Variants in ACLY observed in about 807,000 individuals in gnomAD.
ACLY encodes ATP-citrate synthase.
In ACLY, 41 loss-of-function variants were observed where a neutral mutation model predicts 133.0. That is an observed-to-expected ratio of 0.31 (90% CI 0.24 to 0.40). The LOEUF is 0.40. ACLY is among the 10% of genes least tolerant of loss of function. The probability of loss-of-function intolerance (pLI) is 1.00; values close to 1 mark genes in which losing one functional copy is unlikely to be tolerated. For missense variants in ACLY, 1,046 were observed against 1,453.8 expected (o/e 0.72, Z 4.56); for synonymous variants, 495 against 549.3 (o/e 0.90, Z 1.38).
Position 41,898,618 on chromosome 17 carries a change from G to A in ACLY, c.1338+13C>T. The A allele has an allele frequency of 1.9e-6, 3 of 1,612,854 alleles. No individual in the cohort carries two copies. The highest frequency in any genetic ancestry group is 2.5e-6 in the Non-Finnish European group (3 of 1,179,650). On this transcript the variant is annotated intron_variant, in intron 12 of 28. Transcript: ENST00000352035. ...GGTTCCTTCCTGTAAGGTTTGGGGA[G>A]GCTGGAACCTACCGATGTGCTCCCG...
chr17:41,875,961 G>A (rs1488133366), intron 22 of ACLY, among the ~76,000 whole-genome samples: 10 of 150,754 alleles, frequency 6.6e-5, no homozygotes, highest in Admixed American at 4.6e-4. Flanking sequence ...AGTGAGGAGC[G>A]TCTCTGCCCG....
intron 11 of ACLY, among the ~76,000 whole-genome samples, chr17:41,899,436 A>C (rs992024645): frequency 6.6e-6 from 1 of 151,938 alleles, no homozygotes. Context: ...CTCTGTTCCT[A>C]AACACCCTGA....
At chr17:41,906,954 C>T (rs2049737124) in intron 7 of ACLY, among the ~76,000 whole-genome samples, 1 of 152,188 alleles carries the variant, frequency 6.6e-6, no homozygotes, top group South Asian at 2.1e-4. Context: ...ATGCCCTCAC[C>T]CCAGCATCTG....
chr17:41,905,633 C>T lies in ACLY; in HGVS notation c.892G>A (p.Val298Ile), dbSNP rs782372235. 3.1e-6 allele frequency: 5 copies of T among 1,614,098 alleles called. No individual in the cohort carries two copies. In the African/African-American group the frequency reaches 5.3e-5, roughly 17 times the overall value. ...YSDTICDLGG[V>I]NELANYGEYS... ...TCCCCATAGTTTGCCAGCTCGTTGA[C>T]ACCCCCTAGATCACAGATGGTATCG... The change falls in exon 9 of 29, where the codon GTC becomes ATC. Residue 298 changes from valine (V) to isoleucine (I), a missense_variant. By Grantham distance (29) the Val-to-Ile change is conservative. This residue lies in a region of ACLY where 575 missense variants were observed against 804.2 expected (regional missense o/e 0.71). Coordinates refer to ENST00000352035, the MANE Select transcript of ACLY (RefSeq NM_001096.3).
At position 41,906,246 on chromosome 17, in the gene ACLY, T is replaced by G. The variant is rs1447391340; in HGVS notation, c.866+282A>C. Among the ~76,000 whole-genome samples, 5 of 152,274 alleles carry G rather than the reference T, an allele frequency of 3.3e-5. No homozygotes were observed. In the East Asian group the frequency reaches 9.6e-4, roughly 29 times the overall value. On this transcript the variant is annotated intron_variant, in intron 8 of 28. Coordinates refer to ENST00000352035, the MANE Select transcript of ACLY (RefSeq NM_001096.3). ...AGGATGGGGAAATGTCCAGGCAACT[T>G]TCACTTTCTAGCTCATTTTCTGTAC...
intron 20 of ACLY, among the ~76,000 whole-genome samples, chr17:41,880,622 TGA>T (rs2048887584): frequency 6.6e-6 from 1 of 152,240 alleles, no homozygotes; most frequent in African/African-American, 2.4e-5. Context: ...CCCAGCACTT[TGA>T]GAGGCCGAGA....
chr17:41,895,511 C>T (rs917902531), intron 14 of ACLY, among the ~76,000 whole-genome samples: 10 of 152,238 alleles, frequency 6.6e-5, no homozygotes, highest in Non-Finnish European at 1.5e-4. Context: ...TACACCAGGC[C>T]TCCTCTGGCC....
At chr17:41,875,069 C>T (rs1476789282) in intron 22 of ACLY, among the ~76,000 whole-genome samples, 3 of 151,948 alleles carry the variant, frequency 2.0e-5, no homozygotes, top group Non-Finnish European at 2.9e-5. Flanking sequence ...CGTAATGGGG[C>T]AGGGCACAGT....
At chr17:41,911,891 G>A (rs2049913426) in intron 3 of ACLY, among the ~76,000 whole-genome samples, 2 of 152,292 alleles carry the variant, frequency 1.3e-5, no homozygotes, top group Admixed American at 1.3e-4. Flanking sequence ...GAGGCAGGCA[G>A]ATTACCTGAG....
In ACLY at chr17:41,872,229, C is replaced by T. The variant is rs202237683; in HGVS notation, c.2643-47G>A. On this transcript the variant is annotated intron_variant, in intron 23 of 28. Transcript: ENST00000352035. ...CCAGGAGATGGTCGACAAGGCCATG[C>T]TCGTACTTTCCCCCATCTCCCTAAA... 1.6e-5 allele frequency: 25 copies of T among 1,572,622 alleles called. No homozygotes were observed. In the East Asian group the frequency reaches 4.7e-4, roughly 30 times the overall value.
At chr17:41,918,049 C>T (rs2087938801) in intron 1 of ACLY, among the ~76,000 whole-genome samples, 1 of 152,252 alleles carries the variant, frequency 6.6e-6, no homozygotes, top group Admixed American at 6.5e-5. Flanking sequence ...CGGCAGAACT[C>T]GGCACTGCAC....
At chr17:41,875,787 C>T (rs1399593133) in intron 22 of ACLY, among the ~76,000 whole-genome samples, 1 of 152,188 alleles carries the variant, frequency 6.6e-6, no homozygotes, top group Admixed American at 6.5e-5. Flanking sequence ...GATCTCAGCT[C>T]GCTACAACCT....
chr17:41,924,151 T>G (rs1429943508), intron 1 of ACLY, among the ~76,000 whole-genome samples: 3 of 146,366 alleles, frequency 2.0e-5, no homozygotes, highest in African/African-American at 8.2e-5. Context: ...ATTTTTTATT[T>G]ATTTATTTTT....
At chr17:41,914,032 A>G (rs2049981816) in intron 1 of ACLY, 136 bp from the exon 2 acceptor site, 1 of 830,250 alleles carries the variant, frequency 1.2e-6, no homozygotes, top group South Asian at 1.7e-5. Context: ...GAAGGAAAAA[A>G]TGCTGTCCCA....
intron 21 of ACLY, 87 bp from the exon 22 acceptor site, chr17:41,878,283 A>C: frequency 1.2e-6 from 1 of 849,908 alleles, no homozygotes; most frequent in Non-Finnish European, 1.7e-6. Flanking sequence ...TATCTAACCC[A>C]AACACTGTAG....
Position 41,913,837 on chromosome 17 carries a change from C to T in ACLY, c.37G>A (p.Glu13Lys), listed in dbSNP as rs1555634079. 6.2e-7 allele frequency: 1 copy of T among 1,614,142 alleles called. No individual in the cohort carries two copies. Among genetic ancestry groups the T allele is most frequent in the Non-Finnish European group, 8.5e-7 (1 of 1,180,058 alleles). Residue 13 changes from glutamate to lysine, a missense_variant, in exon 2 of 29, where the codon GAA becomes AAA. Physicochemically the swap from Glu to Lys is moderately conservative, Grantham distance 56. Coordinates refer to ENST00000352035, the MANE Select transcript of ACLY (RefSeq NM_001096.3). ...AKAISEQTGK[E>K]LLYKFICTTS... The stretch of plus-strand genomic sequence containing the variant: ...GTACAGATGAACTTGTAAAGGAGTT[C>T]TTTGCCCGTCTGCTCTGAAATTGCC...
chr17:41,867,364 TA>T lies in ACLY; in HGVS notation c.*445del, dbSNP rs71228789. On this transcript the variant is annotated 3_prime_UTR_variant, in exon 29 of 29. Coordinates refer to ENST00000352035, the MANE Select transcript of ACLY (RefSeq NM_001096.3). ...TTATATAAGGAAGAAGAAAGGGAAG[TA>T]AAAAAAAAAAAAGAGAGACATTGGG... 528 of 137,866 alleles carry T rather than the reference TA, an allele frequency of 3.8e-3. 2 individuals carry two copies. The highest frequency in any genetic ancestry group is 5.2e-3 in the African/African-American group (193 of 37,434). The allele number at this position is 137,866 out of a possible 1,614,324, so 8.5% of individuals were successfully genotyped here.
chr17:41,910,104 C>T lies in ACLY; in HGVS notation c.345+118G>A, dbSNP rs959406154. 1.5e-5 allele frequency: 15 copies of T among 1,029,432 alleles called. No individual in the cohort carries two copies. The African/African-American group carries it at 2.3e-4, about 15-fold the overall frequency. 63.8% of individuals were successfully genotyped at this position (1,029,432 alleles called of 1,614,324 possible). A position where few individuals can be genotyped will look rare whatever the true frequency, so the allele number is the denominator to read the frequency against. On this transcript the variant is annotated intron_variant, in intron 4 of 28. Transcript: ENST00000352035. ...CACCCTCAGATCCTCAGTGCAGCTT[C>T]AGGGACCCTGGTCCCTCTGACTGTC...
At chr17:41,923,686 A>T (rs2050208250), upstream of ACLY, among the ~76,000 whole-genome samples, 1 of 152,282 alleles carries the variant, frequency 6.6e-6, no homozygotes, top group Non-Finnish European at 1.5e-5. Flanking sequence ...AAACATGACT[A>T]AAAAAAGGCT....
Sources: gnomAD v4.1 joint callset for allele counts (sites outside exome capture counted in the v4.1 genomes callset) on GRCh38, gnomAD v4.1.1 for gene constraint, gnomAD v4.1.1 regional missense constraint, MANE v1.5 for transcripts, NCBI Gene and HGNC (gene_info 2026-07-23, HGNC 2026-07-21) for gene names.